RUFY2: variants seen among roughly 807,000 people sequenced by gnomAD.
The protein encoded by RUFY2 is RUN and FYVE domain-containing protein 2.
RUFY2 carries 49 observed loss-of-function variants against 94.4 expected under a neutral mutation model. That is an observed-to-expected ratio of 0.52 (90% confidence interval 0.41 to 0.66). RUFY2 has a LOEUF of 0.66. Among genes scored for constraint, RUFY2 ranks in the 30% least tolerant of loss-of-function variants. The pLI is 0.00. For missense variants in RUFY2, 541 were observed against 692.8 expected, an observed-to-expected ratio of 0.78 and a Z score of 2.46; for synonymous variants, 255 against 235.7, an observed-to-expected ratio of 1.08 and a Z score of -0.75.
intron 13 of RUFY2, among the ~76,000 whole-genome samples, chr10:68,369,477 C>T (rs1294663708): frequency 8.3e-6 from 1 of 121,038 alleles, no homozygotes; most frequent in Admixed American, 9.6e-5. Context: ...AGAGCCAGAC[C>T]TTGTCTCAAA....
At chr10:68,392,024 CTTTT>C (rs1315472624) in intron 7 of RUFY2, among the ~76,000 whole-genome samples, 4 of 148,800 alleles carry the variant, frequency 2.7e-5, no homozygotes, top group Admixed American at 6.9e-5. Flanking sequence ...ATATTTCTTT[CTTTT>C]CTTTTTTTTT....
chr10:68,354,448 A>G (rs1321410003), intron 16 of RUFY2, among the ~76,000 whole-genome samples: 1 of 151,994 alleles, frequency 6.6e-6, no homozygotes, highest in African/African-American at 2.4e-5. Flanking sequence ...AGTGCTATGA[A>G]CCACCACACC....
At chr10:68,348,128 C>A (rs2046409100) in intron 16 of RUFY2, among the ~76,000 whole-genome samples, 1 of 149,688 alleles carries the variant, frequency 6.7e-6, no homozygotes, top group African/African-American at 2.5e-5. Flanking sequence ...TTTTTTTTAA[C>A]TAGATAGTTC....
intron 16 of RUFY2, among the ~76,000 whole-genome samples, chr10:68,349,829 C>T (rs1378975431): frequency 1.3e-5 from 2 of 151,442 alleles, no homozygotes. Context: ...TGAGCCACCG[C>T]GCCCGGCCAG....
At position 68,355,414 on chromosome 10, in the gene RUFY2, C is replaced by A; in HGVS notation, c.1551-13G>T. 1 of 1,539,932 alleles carries A rather than the reference C, an allele frequency of 6.5e-7. No individual in the cohort carries two copies. The highest frequency in any genetic ancestry group is 9.0e-7 in the Non-Finnish European group (1 of 1,113,826). Reference sequence around the variant, plus strand: ...TTTAAGTTTTGATCTAAAAAGATTACAAATAGGTCCAAATTTCAGTACACA... The same window carrying A: ...TTTAAGTTTTGATCTAAAAAGATTAAAAATAGGTCCAAATTTCAGTACACA... On this transcript the variant is annotated splice_polypyrimidine_tract_variant and intron_variant, in intron 15 of 17. Transcript: ENST00000602465.
intron 13 of RUFY2, among the ~76,000 whole-genome samples, chr10:68,367,637 CTTCTT>C (rs1041888419): frequency 3.3e-5 from 5 of 151,466 alleles, no homozygotes; most frequent in African/African-American, 1.2e-4. Flanking sequence ...TCTTTCTTTC[CTTCTT>C]TTCTTTTCTT....
chr10:68,379,492 A>C lies in RUFY2; in HGVS notation c.1137T>G (p.Asn379Lys), dbSNP rs1008682844. ...TTTCTTCTAGTCGGGCAATTATTTC[A>C]TTTTTTTCTTTCAAGCCATCTTCAG... ...QGSEDGLKEK[N>K]EIIARLEEKT... The change falls in exon 12 of 18, where the codon AAT becomes AAG. Residue 379 changes from asparagine to lysine, a missense_variant. Transcript: ENST00000602465. 15 of 1,611,950 alleles carry C rather than the reference A, an allele frequency of 9.3e-6. No individual in the cohort carries two copies. The highest frequency in any genetic ancestry group is 1.2e-5 in the Non-Finnish European group (14 of 1,179,358).
rs1227433885 is a variant in RUFY2 at position 68,383,907 on chromosome 10, T to G, written c.830A>C (p.Lys277Thr). ...MKTQQHLEVT[K>T]VDVETELQTY... is the part of the protein sequence containing the mutation. ...TTGAAGCTCAGTTTCCACATCTACT[T>G]TGGTAACCTAGGAAGAAAACAAAAT... The change falls in exon 10 of 18, where the codon AAA (lysine) becomes ACA (threonine). Residue 277 changes from lysine (K) to threonine (T), a missense_variant. Lys to Thr is a moderately conservative substitution (Grantham distance 78). This residue lies in a region of RUFY2 where 403 missense variants were observed against 480.7 expected (regional missense o/e 0.84). Transcript: ENST00000602465. 2 of 1,613,174 alleles carry G rather than the reference T, an allele frequency of 1.2e-6. No homozygotes were observed. Among genetic ancestry groups the G allele is most frequent in the Non-Finnish European group, 1.7e-6 (2 of 1,179,480 alleles).
chr10:68,401,628 A>G lies in RUFY2; in HGVS notation c.288T>C (p.Pro96=). 2 of 1,607,550 alleles carry G rather than the reference A, an allele frequency of 1.2e-6. No individual in the cohort carries two copies. The highest frequency in any genetic ancestry group is 1.7e-6 in the Non-Finnish European group (2 of 1,173,986). Residue 96 remains proline, a synonymous_variant, in exon 3 of 18, where the codon CCT becomes CCC. Coordinates refer to ENST00000602465, the MANE Select transcript of RUFY2 (RefSeq NM_001330103.2). The part of the protein sequence containing the change: ...EEIGASVRDL[P]GLKTPLGRAR... Reference sequence around the variant, plus strand: ...GTAATAGGCCTCCTTACTTCAGACCAGGTAGATCCCGGACACTAGCTCCTA... The same window carrying G: ...GTAATAGGCCTCCTTACTTCAGACCGGGTAGATCCCGGACACTAGCTCCTA...
intron 15 of RUFY2, among the ~76,000 whole-genome samples, chr10:68,356,063 A>C (rs2047036375): frequency 6.6e-6 from 1 of 152,172 alleles, no homozygotes; most frequent in South Asian, 2.1e-4. Context: ...AAGATGAAGA[A>C]ATGACTGATG....
intron 10 of RUFY2, among the ~76,000 whole-genome samples, chr10:68,382,142 A>C (rs918099347): frequency 6.7e-6 from 1 of 148,574 alleles, no homozygotes; most frequent in Non-Finnish European, 1.5e-5. Flanking sequence ...TCCGCCTCCC[A>C]AGTTCATGCC....
chr10:68,352,074 A>G (rs2046719296), intron 16 of RUFY2, among the ~76,000 whole-genome samples: 1 of 151,882 alleles, frequency 6.6e-6, no homozygotes, highest in Non-Finnish European at 1.5e-5. Flanking sequence ...AAAAAGAAAA[A>G]AAGTGTGAGG....
At chr10:68,392,033 T>C (rs1390402342) in intron 7 of RUFY2, among the ~76,000 whole-genome samples, 1 of 151,818 alleles carries the variant, frequency 6.6e-6, no homozygotes, top group Admixed American at 6.6e-5. Context: ...TCTTTTCTTT[T>C]TTTTTTTTGA....
chr10:68,343,481 G>A lies in RUFY2; in HGVS notation c.*2287C>T, dbSNP rs1022535725. On this transcript the variant is annotated 3_prime_UTR_variant, in exon 18 of 18. Coordinates refer to ENST00000602465, the MANE Select transcript of RUFY2 (RefSeq NM_001330103.2). ...CATCTTAAAGCAGTAAAAGTATACA[G>A]TATTAATGAAACCAAAATTGCCCTT... 6.6e-6 allele frequency: 1 copy of A among 152,506 alleles called. No homozygotes were observed. The highest frequency in any genetic ancestry group is 1.5e-5 in the Non-Finnish European group (1 of 68,004). 9.4% of individuals were successfully genotyped at this position (152,506 alleles called of 1,614,324 possible).
At chr10:68,349,964 G>A (rs946956974) in intron 16 of RUFY2, among the ~76,000 whole-genome samples, 3 of 151,962 alleles carry the variant, frequency 2.0e-5, no homozygotes, top group Non-Finnish European at 2.9e-5. Flanking sequence ...ATATCCCCCA[G>A]AAGGTTGTAC....
intron 15 of RUFY2, among the ~76,000 whole-genome samples, chr10:68,359,068 A>G (rs2047250792): frequency 6.6e-6 from 1 of 152,060 alleles, no homozygotes; most frequent in Non-Finnish European, 1.5e-5. Flanking sequence ...TACAATCCCA[A>G]TAACCATAAT....
At chr10:68,377,077 A>G (rs562843393) in intron 12 of RUFY2, 105 bp from the exon 13 acceptor site, 1 of 1,540,504 alleles carries the variant, frequency 6.5e-7, no homozygotes, top group African/African-American at 1.4e-5. Context: ...AAACATTTCT[A>G]AATGAAAACA....
intron 15 of RUFY2, among the ~76,000 whole-genome samples, chr10:68,362,041 T>C (rs2047491618): frequency 6.6e-6 from 1 of 152,156 alleles, no homozygotes; most frequent in Non-Finnish European, 1.5e-5. Flanking sequence ...CTTAAAAAAG[T>C]GGGCTGGGTG....
chr10:68,392,765 CAAAA>C (rs34336651), intron 7 of RUFY2, among the ~76,000 whole-genome samples: 3 of 113,204 alleles, frequency 2.7e-5, no homozygotes, highest in Admixed American at 9.1e-5. Context: ...TACTAAAATA[CAAAA>C]AAAAAAAAAA....
Sources: gnomAD v4.1 joint callset for allele counts (sites outside exome capture counted in the v4.1 genomes callset) on GRCh38, gnomAD v4.1.1 for gene constraint, gnomAD v4.1.1 regional missense constraint, MANE v1.5 for transcripts, NCBI Gene and HGNC (gene_info 2026-07-23, HGNC 2026-07-21) for gene names.